The following IFFO1 variants were observed in gnomAD, a reference collection of about 807,000 sequenced individuals.
IFFO1 encodes non-homologous end joining factor IFFO1.
IFFO1 carries 42 observed loss-of-function variants against 59.6 expected under a neutral mutation model. The ratio of observed to expected loss-of-function variants is 0.70; its 90% CI spans 0.55 to 0.91. The LOEUF (loss-of-function observed/expected upper bound fraction) is 0.91. Among genes scored for constraint, IFFO1 ranks in the 40% least tolerant of loss-of-function variants. The probability of loss-of-function intolerance (pLI) is 0.00; values close to 1 mark genes in which losing one functional copy is unlikely to be tolerated. For missense variants in IFFO1, 711 were observed against 793.2 expected, an observed-to-expected ratio of 0.90 and a Z score of 1.24; for synonymous variants, 336 against 342.8, an observed-to-expected ratio of 0.98 and a Z score of 0.22.
intron 1 of IFFO1, among the ~76,000 whole-genome samples, chr12:6,552,974 A>T (rs1199131916): frequency 1.3e-5 from 2 of 152,178 alleles, no homozygotes; most frequent in African/African-American, 2.4e-5. Flanking sequence ...GGTTGAAGAG[A>T]GAAAGCAGGG....
At chr12:6,553,403 C>T (rs1947319195) in intron 1 of IFFO1, among the ~76,000 whole-genome samples, 1 of 152,146 alleles carries the variant, frequency 6.6e-6, no homozygotes, top group African/African-American at 2.4e-5. Context: ...GTGCCTGTGC[C>T]ACTGCTGAGC....
Position 6,555,297 on chromosome 12 carries a change from G to T in IFFO1, c.733C>A (p.Leu245Met). ...TCCCGCTCCCGCTTCACTTTGGCCA[G>T]CACGTTGTAGAGAGCGCGGATCTCG... ...TPEIRALYNV[L>M]AKVKRERDEY... The change falls in exon 1 of 10, where the codon CTG becomes ATG. Residue 245 changes from leucine (L) to methionine (M), a missense_variant. By Grantham distance (15) the Leu-to-Met change is conservative. Coordinates refer to ENST00000619571, the MANE Select transcript of IFFO1 (RefSeq NM_001193457.2). The surrounding 1 kb of genome is among the most constrained non-coding windows in gnomAD (Gnocchi z 8.6). 1 of 1,614,150 alleles carries T rather than the reference G, an allele frequency of 6.2e-7. No homozygotes were observed. The highest frequency in any genetic ancestry group is 2.2e-5 in the East Asian group (1 of 44,886).
intron 1 of IFFO1, chr12:6,551,441 G>A (rs1482893554): frequency 7.7e-7 from 1 of 1,296,722 alleles, no homozygotes; most frequent in Non-Finnish European, 1.0e-6. Context: ...GCCCGCACCA[G>A]AACAGAGCTC....
Position 6,549,035 on chromosome 12 carries a change from A to C in IFFO1, c.1081-186T>G, listed in dbSNP as rs570383183. ...AAGGGCCAGACACACAGCGGGGGTCAGGGCTGCAAACCGAGAAGGCAGAAC... is the reference window on the plus strand; with the variant it reads ...AAGGGCCAGACACACAGCGGGGGTCCGGGCTGCAAACCGAGAAGGCAGAAC... On this transcript the variant is annotated intron_variant, in intron 5 of 9. Transcript: ENST00000619571. This position sits in a 1 kb window ranked among gnomAD's most constrained non-coding sequence, Gnocchi z 5.0. 10 of 608,382 alleles carry C rather than the reference A, an allele frequency of 1.6e-5. No individual in the cohort carries two copies. The highest frequency in any genetic ancestry group is 2.6e-5 in the Non-Finnish European group (9 of 346,532). The allele number at this position is 608,382 out of a possible 1,614,324, so 37.7% of individuals were successfully genotyped here.
intron 8 of IFFO1, among the ~76,000 whole-genome samples, chr12:6,546,523 G>A (rs375274265): frequency 2.9e-4 from 44 of 152,134 alleles, no homozygotes; most frequent in African/African-American, 1.0e-3. Flanking sequence ...TTGCTCTGTC[G>A]CCCAGGCTGG....
Position 6,548,633 on chromosome 12 carries a change from C to T in IFFO1, c.1262+35G>A, listed in dbSNP as rs944665592. The T allele has an allele frequency of 6.8e-6, 11 of 1,613,720 alleles. No homozygotes were observed. Among genetic ancestry groups the T allele is most frequent in the African/African-American group, 6.7e-5 (5 of 74,914 alleles). On this transcript the variant is annotated intron_variant, in intron 6 of 9. Transcript: ENST00000619571. This position sits in a 1 kb window ranked among gnomAD's most constrained non-coding sequence, Gnocchi z 6.1. ...GCTCCGGCCTCCTGGGCTGCTGTGGCGTCGGTGCTGCGGGAGCACGGCCTG... is the reference window on the plus strand; with the variant it reads ...GCTCCGGCCTCCTGGGCTGCTGTGGTGTCGGTGCTGCGGGAGCACGGCCTG...
chr12:6,540,922 C>G (rs902447523), intron 9 of IFFO1, among the ~76,000 whole-genome samples: 1 of 151,480 alleles, frequency 6.6e-6, no homozygotes, highest in Non-Finnish European at 1.5e-5. Context: ...AACCCCATCT[C>G]TACTAAAAAT....
rs1041231309 is a variant in IFFO1, at chr12:6,549,952, G to T, written c.931-56C>A. The T allele has an allele frequency of 1.7e-5, 26 of 1,565,382 alleles. No individual in the cohort carries two copies. The highest frequency in any genetic ancestry group is 3.6e-5 in the Admixed American group (2 of 55,916). ...GGCGCCCAGTTCTCCAGACAAGGAC[G>T]AATTAGGCCTGGCAAGGTCCTCATC... is the stretch of plus-strand genomic sequence containing the variant. On this transcript the variant is annotated intron_variant, in intron 3 of 9. Transcript: ENST00000619571. This position sits in a 1 kb window ranked among gnomAD's most constrained non-coding sequence, Gnocchi z 5.0.
chr12:6,549,920 G>A lies in IFFO1; in HGVS notation c.931-24C>T. 6.2e-7 allele frequency: 1 copy of A among 1,605,796 alleles called. No individual in the cohort carries two copies. Among genetic ancestry groups the A allele is most frequent in the East Asian group, 2.2e-5 (1 of 44,730 alleles). ...TTCTGTCCAGGGAGCCCAGGGAACA[G>A]TGAGGAGGCGCCCAGTTCTCCAGAC... On this transcript the variant is annotated intron_variant, in intron 3 of 9. Transcript: ENST00000619571. The surrounding 1 kb of genome is among the most constrained non-coding windows in gnomAD (Gnocchi z 5.0).
rs1946640751 is a variant in IFFO1 at position 6,540,326 on chromosome 12, C to CAAGACTGAGGGAGA, written c.*143_*156dup. 1 of 673,268 alleles carries CAAGACTGAGGGAGA rather than the reference C, an allele frequency of 1.5e-6. No homozygotes were observed. The highest frequency in any genetic ancestry group is 1.7e-5 in the South Asian group (1 of 59,670). 41.7% of individuals were successfully genotyped at this position (673,268 alleles called of 1,614,324 possible). A position where few individuals can be genotyped will look rare whatever the true frequency, so the allele number is the denominator to read the frequency against. On this transcript the variant is annotated 3_prime_UTR_variant, in exon 10 of 10. Transcript: ENST00000619571. ...AGACACCCCAGAGCCCTGGAGAAGCCAAGACTGAGGGAGAAAGCCTGAGGG... is the reference window on the plus strand; with the variant it reads ...AGACACCCCAGAGCCCTGGAGAAGCCAAGACTGAGGGAGAAAGACTGAGGGAGAAAGCCTGAGGG...
At chr12:6,542,447 C>CA (rs2136095709) in intron 8 of IFFO1, among the ~76,000 whole-genome samples, 1 of 152,294 alleles carries the variant, frequency 6.6e-6, no homozygotes, top group African/African-American at 2.4e-5. Context: ...GTTTTGGGTA[C>CA]AAAGGGCAGG....
At chr12:6,551,484 A>G in intron 1 of IFFO1, 1 of 1,291,350 alleles carries the variant, frequency 7.7e-7, no homozygotes, top group South Asian at 1.2e-5. Context: ...TTGTGGTATC[A>G]TTTAACCCTG....
Position 6,555,838 on chromosome 12 carries a change from C to G in IFFO1, c.192G>C (p.Met64Ile). The change falls in exon 1 of 10, where the codon ATG (methionine) becomes ATC (isoleucine). Residue 64 changes from methionine to isoleucine, a missense_variant. Met to Ile is a conservative substitution (Grantham distance 10). Around this residue, in one of 3 missense-constraint regions of IFFO1, gnomAD observed 114 missense variants for 102.4 expected, o/e 1.11. Coordinates refer to ENST00000619571, the MANE Select transcript of IFFO1 (RefSeq NM_001193457.2). The surrounding 1 kb of genome is among the most constrained non-coding windows in gnomAD (Gnocchi z 8.6). ...TGGAGCCCAGGTCATTGCGGAGGGC[C>G]ATGGCGGCAGGCGGGGCCGGGCCCG... is the stretch of plus-strand genomic sequence containing the variant. Reference protein sequence around the residue: ...PGPGPAPPAAMALRNDLGSNI... With the variant: ...PGPGPAPPAAIALRNDLGSNI... 1 of 1,610,772 alleles carries G rather than the reference C, an allele frequency of 6.2e-7. No homozygotes were observed. Among genetic ancestry groups the G allele is most frequent in the Non-Finnish European group, 8.5e-7 (1 of 1,178,744 alleles).
Position 6,542,343 on chromosome 12 carries a change from G to A in IFFO1, c.1480-701C>T, listed in dbSNP as rs559502209. On this transcript the variant is annotated intron_variant, in intron 8 of 9. Coordinates refer to ENST00000619571, the MANE Select transcript of IFFO1 (RefSeq NM_001193457.2). Reference sequence around the variant, plus strand: ...TCAAAGAAATCCGGTCTCCCTCCCCGGGCCCATTCTGCAGCCCACACTCTG... The same window carrying A: ...TCAAAGAAATCCGGTCTCCCTCCCCAGGCCCATTCTGCAGCCCACACTCTG... 9.9e-5 allele frequency among the ~76,000 whole-genome samples: 15 copies of A among 152,236 alleles called. No homozygotes were observed. The East Asian group carries it at 2.1e-3, about 22-fold the overall frequency.
intron 1 of IFFO1, chr12:6,551,757 C>T (rs762971846): frequency 5.0e-5 from 17 of 342,784 alleles, no homozygotes; most frequent in African/African-American, 8.6e-5. Flanking sequence ...CCGGTGAGTA[C>T]GGCAAATGAG....
At chr12:6,550,269 C>T (rs559110267) in intron 3 of IFFO1, 60 of 324,206 alleles carry the variant, frequency 1.9e-4, no homozygotes, top group East Asian at 1.7e-4. Context: ...CTATAATAAT[C>T]GCAACAGCTA....
In IFFO1 at chr12:6,555,216, G is replaced by A. The variant is rs1050285451; in HGVS notation, c.773+41C>T. 1.3e-6 allele frequency: 2 copies of A among 1,597,464 alleles called. No individual in the cohort carries two copies. Among genetic ancestry groups the A allele is most frequent in the African/African-American group, 2.7e-5 (2 of 74,566 alleles). ...ACCAACTCGCGGCCCGTTGTGAGTG[G>A]TATGACACAGAGAGACCTGTCCCCC... On this transcript the variant is annotated intron_variant, in intron 1 of 9. Coordinates refer to ENST00000619571, the MANE Select transcript of IFFO1 (RefSeq NM_001193457.2). The surrounding 1 kb of genome is among the most constrained non-coding windows in gnomAD (Gnocchi z 8.6).
intron 8 of IFFO1, among the ~76,000 whole-genome samples, chr12:6,543,096 G>A (rs1172807662): frequency 1.3e-5 from 2 of 152,186 alleles, no homozygotes; most frequent in African/African-American, 4.8e-5. Flanking sequence ...GACGGGAGGA[G>A]ACAGAGAGAG....
Position 6,555,423 on chromosome 12 carries a change from G to A in IFFO1, c.607C>T (p.Arg203Cys). 6.2e-7 allele frequency: 1 copy of A among 1,613,970 alleles called. No individual in the cohort carries two copies. The highest frequency in any genetic ancestry group is 8.5e-7 in the Non-Finnish European group (1 of 1,179,942). The change falls in exon 1 of 10, where the codon CGC (arginine) becomes TGC (cysteine). Residue 203 changes from arginine to cysteine, a missense_variant. Physicochemically the swap from Arg to Cys is radical, Grantham distance 180. Around this residue, in one of 3 missense-constraint regions of IFFO1, gnomAD observed 579 missense variants for 650.3 expected, o/e 0.89. Transcript: ENST00000619571. The surrounding 1 kb of genome is among the most constrained non-coding windows in gnomAD (Gnocchi z 8.6). ...GGCTCCAGTCCCGGCCCGAGCCGGC[G>A]GGCGTGCGAGAACGACCAGATGGTG... ...PGTIWSFSHA[R>C]RLGPGLEPTL...
Sources: gnomAD v4.1 joint callset for allele counts (sites outside exome capture counted in the v4.1 genomes callset) on GRCh38, gnomAD v4.1.1 for gene constraint, gnomAD v4.1.1 regional missense constraint, Gnocchi (gnomAD v3.1) non-coding constraint, MANE v1.5 for transcripts, NCBI Gene and HGNC (gene_info 2026-07-23, HGNC 2026-07-21) for gene names.